The following PLXDC2 variants were observed in gnomAD, a reference collection of about 807,000 sequenced individuals.
PLXDC2 encodes plexin domain containing 2.
Under a neutral mutation model 68.9 loss-of-function variants are expected in PLXDC2, and 40 were observed. That is an observed-to-expected ratio of 0.58 (90% CI 0.45 to 0.76). The LOEUF is 0.76. Ranked by LOEUF, PLXDC2 falls within the 30% of genes least tolerant of loss-of-function variation. PLXDC2 has a pLI of 0.00. For missense variants in PLXDC2, 644 were observed against 661.9 expected, an observed-to-expected ratio of 0.97 and a Z score of 0.30; for synonymous variants, 243 against 234.2, an observed-to-expected ratio of 1.04 and a Z score of -0.34.
intron 1 of PLXDC2, among the ~76,000 whole-genome samples, chr10:19,820,889 C>A (rs1242286673): frequency 6.6e-6 from 1 of 152,020 alleles, no homozygotes; most frequent in Admixed American, 6.6e-5. Context: ...ACCAGCCTGG[C>A]CAGCATGGTG....
Position 20,211,372 on chromosome 10 carries a change from C to T in PLXDC2, c.1062-297C>T, listed in dbSNP as rs529000879. On this transcript the variant is annotated intron_variant, in intron 9 of 13. Coordinates refer to ENST00000377252, the MANE Select transcript of PLXDC2 (RefSeq NM_032812.9). Reference sequence around the variant, plus strand: ...AAAGAAAATCCACTTCATAGAAGAGCGATTGGTCTTATCTTTGTGCAGGGA... The same window carrying T: ...AAAGAAAATCCACTTCATAGAAGAGTGATTGGTCTTATCTTTGTGCAGGGA... 3.0e-4 allele frequency among the ~76,000 whole-genome samples: 46 copies of T among 152,062 alleles called. 1 individual carries two copies. The South Asian group carries it at 4.8e-3, about 16-fold the overall frequency.
intron 1 of PLXDC2, among the ~76,000 whole-genome samples, chr10:19,996,136 T>C (rs768613140): frequency 6.6e-6 from 1 of 151,990 alleles, no homozygotes; most frequent in Non-Finnish European, 1.5e-5. Flanking sequence ...AAAGGAAGAA[T>C]ATGACAACAT....
chr10:19,917,564 G>A (rs534412900), intron 1 of PLXDC2, among the ~76,000 whole-genome samples: 1 of 152,210 alleles, frequency 6.6e-6, no homozygotes, highest in African/African-American at 2.4e-5. Context: ...AGCAATGAAA[G>A]GGAATGCAGT....
At chr10:19,939,761 C>T (rs1833786555) in intron 1 of PLXDC2, among the ~76,000 whole-genome samples, 1 of 152,086 alleles carries the variant, frequency 6.6e-6, no homozygotes, top group Admixed American at 6.6e-5. Flanking sequence ...AAATGGAACA[C>T]AGTGGCTGAA....
chr10:20,228,328 A>T (rs949371859), intron 12 of PLXDC2, among the ~76,000 whole-genome samples: 1 of 152,118 alleles, frequency 6.6e-6, no homozygotes, highest in African/African-American at 2.4e-5. Context: ...TGGGAGGCTG[A>T]GCTGGGTGGA....
chr10:20,184,064 G>T (rs1159834572), intron 9 of PLXDC2, among the ~76,000 whole-genome samples: 1 of 151,762 alleles, frequency 6.6e-6, no homozygotes, highest in East Asian at 1.9e-4. Flanking sequence ...TAATGGTAAA[G>T]ATATGTATTT....
chr10:20,074,876 T>TTAG (rs1836412721), intron 4 of PLXDC2, among the ~76,000 whole-genome samples: 1 of 151,842 alleles, frequency 6.6e-6, no homozygotes, highest in African/African-American at 2.4e-5. Flanking sequence ...ATTATTATTA[T>TTAG]TATTAACAGA....
chr10:20,140,401 T>TATATATATAA (rs775079514), intron 4 of PLXDC2, among the ~76,000 whole-genome samples: 7 of 71,552 alleles, frequency 9.8e-5, no homozygotes, highest in African/African-American at 2.8e-4. Flanking sequence ...TATATATATA[T>TATATATATAA]AAAATATCTA....
chr10:19,964,691 C>T (rs1419913488), intron 1 of PLXDC2, among the ~76,000 whole-genome samples: 2 of 152,074 alleles, frequency 1.3e-5, no homozygotes, highest in Non-Finnish European at 2.9e-5. Context: ...TGTCTCTCTG[C>T]CCCAGTAGAC....
At chr10:20,260,364 C>T (rs1189939204) in intron 13 of PLXDC2, among the ~76,000 whole-genome samples, 3 of 152,154 alleles carry the variant, frequency 2.0e-5, no homozygotes, top group African/African-American at 7.2e-5. Flanking sequence ...CTATTTCCTG[C>T]CCTGCTCTGC....
At chr10:19,982,861 G>T (rs1834575973) in intron 1 of PLXDC2, among the ~76,000 whole-genome samples, 1 of 152,108 alleles carries the variant, frequency 6.6e-6, no homozygotes, top group East Asian at 1.9e-4. Context: ...GAATCATTAT[G>T]CAATTGCCTC....
In PLXDC2 at chr10:20,285,596, A is replaced by T. The variant is rs1836143080; in HGVS notation, c.*5777A>T. On this transcript the variant is annotated 3_prime_UTR_variant, in exon 14 of 14. Coordinates refer to ENST00000377252, the MANE Select transcript of PLXDC2 (RefSeq NM_032812.9). Reference sequence around the variant, plus strand: ...TGTTAATTTTATCTGTGAGAAAAAAAGTTACTCAAAATTCTCCCTGACCTA... The same window carrying T: ...TGTTAATTTTATCTGTGAGAAAAAATGTTACTCAAAATTCTCCCTGACCTA... The T allele has an allele frequency of 6.6e-6, 1 of 152,210 alleles. No individual in the cohort carries two copies. Among genetic ancestry groups the T allele is most frequent in the Non-Finnish European group, 1.5e-5 (1 of 68,030 alleles). The allele number at this position is 152,210 out of a possible 1,614,324, so 9.4% of individuals were successfully genotyped here.
intron 1 of PLXDC2, among the ~76,000 whole-genome samples, chr10:19,864,340 C>T (rs1480393774): frequency 1.3e-5 from 2 of 152,080 alleles, no homozygotes; most frequent in Non-Finnish European, 2.9e-5. Context: ...AGAATGATTT[C>T]AGCTGATTAA....
chr10:19,844,606 C>CTT (rs200311959), intron 1 of PLXDC2, among the ~76,000 whole-genome samples: 3 of 147,012 alleles, frequency 2.0e-5, no homozygotes, highest in South Asian at 4.3e-4. Context: ...ATTTTTTTTT[C>CTT]TTTTTTCTTT....
chr10:19,956,208 T>C (rs1834066618), intron 1 of PLXDC2, among the ~76,000 whole-genome samples: 3 of 152,170 alleles, frequency 2.0e-5, no homozygotes, highest in South Asian at 4.1e-4. Flanking sequence ...ACAATCCCTT[T>C]TACATGAAAA....
At chr10:20,122,093 G>A (rs534722067) in intron 4 of PLXDC2, among the ~76,000 whole-genome samples, 1,637 of 151,628 alleles carry the variant, frequency 0.011, 23 homozygotes, top group African/African-American at 0.035. Flanking sequence ...TGTAATCCAG[G>A]AATAGTCAGG....
At chr10:20,160,666 A>C (rs545409089) in intron 6 of PLXDC2, among the ~76,000 whole-genome samples, 1 of 152,290 alleles carries the variant, frequency 6.6e-6, no homozygotes, top group Middle Eastern at 3.4e-3. Flanking sequence ...CTGTTAAATG[A>C]ATCTAAATCT....
rs561815481 is a variant in PLXDC2 at position 19,876,536 on chromosome 10, A to T, written c.112+59345A>T. Among the ~76,000 whole-genome samples, 25 of 141,770 alleles carry T rather than the reference A, an allele frequency of 1.8e-4. No individual in the cohort carries two copies. The East Asian group carries it at 5.4e-3, about 31-fold the overall frequency. 93.0% of individuals were successfully genotyped at this position (141,770 alleles called of 152,430 possible). A position where few individuals can be genotyped will look rare whatever the true frequency, so the allele number is the denominator to read the frequency against. On this transcript the variant is annotated intron_variant, in intron 1 of 13. Transcript: ENST00000377252. Reference sequence around the variant, plus strand: ...AGAATCACTTGAACCCTGGAGGCAGAGGTTACAGTGAGCTGAGATTGTGCC... The same window carrying T: ...AGAATCACTTGAACCCTGGAGGCAGTGGTTACAGTGAGCTGAGATTGTGCC...
intron 2 of PLXDC2, among the ~76,000 whole-genome samples, chr10:20,028,770 C>T (rs1465413180): frequency 6.6e-6 from 1 of 152,120 alleles, no homozygotes; most frequent in African/African-American, 2.4e-5. Context: ...TTATTCTTTG[C>T]CTATTGAAAT....
Sources: allele counts gnomAD v4.1 joint callset (sites outside exome capture counted in the v4.1 genomes callset), GRCh38; gene constraint gnomAD v4.1.1; transcripts MANE v1.5; gene names NCBI Gene and HGNC (gene_info 2026-07-23, HGNC 2026-07-21).